FAM13C: variants seen among roughly 807,000 people sequenced by gnomAD.
FAM13C encodes family with sequence similarity 13 member C.
A neutral mutation model predicts 73.2 loss-of-function variants in FAM13C; 37 were observed. That is an observed-to-expected ratio of 0.51 (90% CI 0.39 to 0.67). The LOEUF is 0.67. Ranked by LOEUF, FAM13C falls within the 30% of genes least tolerant of loss-of-function variation. FAM13C has a pLI of 0.00. For missense variants in FAM13C, 589 were observed against 715.6 expected, an observed-to-expected ratio of 0.82 and a Z score of 2.02; for synonymous variants, 246 against 260.9, an observed-to-expected ratio of 0.94 and a Z score of 0.55.
chr10:59,327,590 C>T (rs562140147), intron 3 of FAM13C: 1 of 133,890 alleles, frequency 7.5e-6, no homozygotes, highest in Non-Finnish European at 1.5e-5. Context: ...AAGGTGACAA[C>T]ATCAAGAAAG....
chr10:59,339,095 C>T (rs930562580), intron 3 of FAM13C, among the ~76,000 whole-genome samples: 6 of 152,100 alleles, frequency 3.9e-5, no homozygotes. Context: ...GCCTCCGCCC[C>T]CATCCTTACA....
chr10:59,342,276 A>G (rs1380558), intron 3 of FAM13C, among the ~76,000 whole-genome samples: 106,780 of 151,762 alleles, frequency 0.7, 38,177 homozygotes, highest in East Asian at 0.83. Flanking sequence ...GAACACTAAA[A>G]ATAAAATAAA....
intron 5 of FAM13C, among the ~76,000 whole-genome samples, chr10:59,302,070 C>A (rs1564549560): frequency 1.3e-5 from 2 of 152,154 alleles, no homozygotes; most frequent in African/African-American, 2.4e-5. Flanking sequence ...ATCATCAGGT[C>A]TTTTCATTCT....
intron 4 of FAM13C, among the ~76,000 whole-genome samples, chr10:59,321,928 G>T (rs1850358312): frequency 6.6e-6 from 1 of 152,190 alleles, no homozygotes; most frequent in Admixed American, 6.5e-5. Flanking sequence ...CCAGCCCACT[G>T]CCCCAAAGAA....
intron 13 of FAM13C, among the ~76,000 whole-genome samples, chr10:59,249,277 G>A (rs956016112): frequency 2.7e-5 from 4 of 149,494 alleles, no homozygotes; most frequent in Non-Finnish European, 4.4e-5. Context: ...GGTGGCGTAC[G>A]CCTGTAGTCC....
chr10:59,331,413 A>C (rs1851954237), intron 3 of FAM13C, among the ~76,000 whole-genome samples: 1 of 152,192 alleles, frequency 6.6e-6, no homozygotes, highest in African/African-American at 2.4e-5. Flanking sequence ...CGGATGGGTG[A>C]CTATTTTTAG....
Position 59,254,568 on chromosome 10 carries a change from A to T in FAM13C, c.1237-125T>A, listed in dbSNP as rs1841749085. The stretch of plus-strand genomic sequence containing the variant: ...CTATAATGCAGCAGTTATCATGAAA[A>T]GGAAAGTCATTTATTTATTTATTTA... On this transcript the variant is annotated intron_variant, in intron 10 of 13. Coordinates refer to ENST00000618804, the MANE Select transcript of FAM13C (RefSeq NM_198215.4). 4 of 409,670 alleles carry T rather than the reference A, an allele frequency of 9.8e-6. No individual in the cohort carries two copies. The Admixed American group carries it at 1.7e-4, about 17-fold the overall frequency. The allele number at this position is 409,670 out of a possible 1,614,324, so 25.4% of individuals were successfully genotyped here.
intron 3 of FAM13C, among the ~76,000 whole-genome samples, chr10:59,346,023 G>A (rs2134214305): frequency 6.6e-6 from 1 of 152,206 alleles, no homozygotes; most frequent in African/African-American, 2.4e-5. Flanking sequence ...CACTGAAAAG[G>A]GAGTGGAATT....
chr10:59,316,355 T>C (rs1161704987), intron 4 of FAM13C, among the ~76,000 whole-genome samples: 1 of 152,242 alleles, frequency 6.6e-6, no homozygotes, highest in African/African-American at 2.4e-5. Flanking sequence ...CATAAAGATA[T>C]TGTTTTTAAG....
chr10:59,290,238 C>G (rs1846065409), intron 5 of FAM13C, among the ~76,000 whole-genome samples: 1 of 152,200 alleles, frequency 6.6e-6, no homozygotes. Flanking sequence ...TGGTTAAATA[C>G]TATTTTAAGG....
chr10:59,351,540 C>T (rs1228686285), intron 3 of FAM13C, among the ~76,000 whole-genome samples: 2 of 152,146 alleles, frequency 1.3e-5, no homozygotes, highest in African/African-American at 2.4e-5. Context: ...TTATTCCAGT[C>T]CGCTAAACTT....
At chr10:59,322,564 A>G (rs1244692638) in intron 4 of FAM13C, among the ~76,000 whole-genome samples, 1 of 152,236 alleles carries the variant, frequency 6.6e-6, no homozygotes, top group African/African-American at 2.4e-5. Flanking sequence ...AGCATCTTTG[A>G]GAAGGTTAAT....
intron 2 of FAM13C, among the ~76,000 whole-genome samples, chr10:59,354,464 C>T (rs61861960): frequency 3.0e-3 from 463 of 152,300 alleles, no homozygotes; most frequent in Non-Finnish European, 5.2e-3. Flanking sequence ...AGCATGGTGT[C>T]CTGAAAAAAG....
At chr10:59,315,234 T>C (rs1849383961) in intron 4 of FAM13C, among the ~76,000 whole-genome samples, 1 of 152,166 alleles carries the variant, frequency 6.6e-6, no homozygotes, top group Non-Finnish European at 1.5e-5. Context: ...TCACCTGTAA[T>C]TCATCTCCCC....
chr10:59,283,535 G>T, intron 5 of FAM13C, 88 bp from the exon 6 acceptor site: 1 of 1,317,494 alleles, frequency 7.6e-7, no homozygotes, highest in Non-Finnish European at 1.1e-6. Context: ...AGAACATGAG[G>T]CCAGCTAAGT....
At chr10:59,279,186 C>T (rs992827240) in intron 6 of FAM13C, among the ~76,000 whole-genome samples, 1 of 152,144 alleles carries the variant, frequency 6.6e-6, no homozygotes, top group Non-Finnish European at 1.5e-5. Flanking sequence ...TCTTAGGCCT[C>T]ATCTTTATAT....
In FAM13C at chr10:59,352,353, G is replaced by C. The variant is rs993269695; in HGVS notation, c.241C>G (p.Arg81Gly). Residue 81 changes from arginine to glycine, a missense_variant, in exon 3 of 14, where the codon CGA becomes GGA. Transcript: ENST00000618804. The stretch of plus-strand genomic sequence containing the variant: ...GACTTGAAGTTGCCCATGCTGGGTC[G>C]CAATACGCTGTCCACCAGCACGGTC... Reference protein sequence around the residue: ...EATVLVDSVLRPSMGNFKSRK... With the variant: ...EATVLVDSVLGPSMGNFKSRK... 2 of 1,614,156 alleles carry C rather than the reference G, an allele frequency of 1.2e-6. No homozygotes were observed. The highest frequency in any genetic ancestry group is 1.7e-6 in the Non-Finnish European group (2 of 1,180,048).
chr10:59,344,644 TCAA>T lies in FAM13C; in HGVS notation c.324+7623_324+7625del, dbSNP rs555350345. On this transcript the variant is annotated intron_variant, in intron 3 of 13. Transcript: ENST00000618804. ...ACGTTTATATCATTAACTTTAATCC[TCAA>T]CAACCTCTTAAGATAGATACAATTG... 5.0e-4 allele frequency among the ~76,000 whole-genome samples: 76 copies of T among 152,258 alleles called. No homozygotes were observed. In the South Asian group the frequency reaches 7.7e-3, roughly 15 times the overall value.
intron 3 of FAM13C, among the ~76,000 whole-genome samples, chr10:59,340,157 A>G (rs1398878337): frequency 6.6e-6 from 1 of 152,232 alleles, no homozygotes; most frequent in Non-Finnish European, 1.5e-5. Context: ...CAAATAATGA[A>G]CATTTCAATT....
Sources: gnomAD v4.1 joint callset for allele counts (sites outside exome capture counted in the v4.1 genomes callset) on GRCh38, gnomAD v4.1.1 for gene constraint, MANE v1.5 for transcripts, NCBI Gene and HGNC (gene_info 2026-07-23, HGNC 2026-07-21) for gene names.